PLEKHA5: variants seen among roughly 807,000 people sequenced by gnomAD.
The protein encoded by PLEKHA5 is pleckstrin homology domain containing A5.
PLEKHA5 carries 55 observed loss-of-function variants against 181.9 expected under a neutral mutation model. That is an observed-to-expected ratio of 0.30 (90% CI 0.24 to 0.38). The LOEUF (loss-of-function observed/expected upper bound fraction) is 0.38. Among genes scored for constraint, PLEKHA5 ranks in the 10% least tolerant of loss-of-function variants. PLEKHA5 has a pLI of 1.00. For missense variants in PLEKHA5, 1,432 were observed against 1,549.5 expected (o/e 0.92, Z 1.27); for synonymous variants, 535 against 529.4 (o/e 1.01, Z -0.15).
chr12:19,270,910 G>A (rs572942516), intron 10 of PLEKHA5, among the ~76,000 whole-genome samples: 1 of 151,446 alleles, frequency 6.6e-6, no homozygotes, highest in Non-Finnish European at 1.5e-5. Flanking sequence ...TTGGCTTTTT[G>A]GCTAAAAGAC....
intron 5 of PLEKHA5, among the ~76,000 whole-genome samples, chr12:19,255,918 A>C (rs2066764314): frequency 6.6e-6 from 1 of 151,432 alleles, no homozygotes; most frequent in African/African-American, 2.4e-5. Context: ...CAGAATGCAG[A>C]TGGGCTTTCT....
chr12:19,361,996 C>A (rs1263738776), intron 29 of PLEKHA5, among the ~76,000 whole-genome samples: 1 of 151,542 alleles, frequency 6.6e-6, no homozygotes. Flanking sequence ...CATAATGAGA[C>A]CTCATCTCTG....
intron 3 of PLEKHA5, among the ~76,000 whole-genome samples, chr12:19,158,340 G>A (rs2042242754): frequency 6.6e-6 from 1 of 151,808 alleles, no homozygotes; most frequent in Non-Finnish European, 1.5e-5. Flanking sequence ...GCGACAGAGT[G>A]AGACTCCGAC....
At chr12:19,315,737 T>G (rs1322854812) in intron 16 of PLEKHA5, among the ~76,000 whole-genome samples, 1 of 152,130 alleles carries the variant, frequency 6.6e-6, no homozygotes, top group East Asian at 1.9e-4. Context: ...ATATATATTT[T>G]GATTTAAATA....
intron 22 of PLEKHA5, among the ~76,000 whole-genome samples, chr12:19,344,947 G>GA (rs769810813): frequency 1.4e-3 from 161 of 118,168 alleles, no homozygotes; most frequent in Middle Eastern, 4.3e-3. Context: ...CGGCTCTACT[G>GA]AAAAAAAAAA....
intron 3 of PLEKHA5, among the ~76,000 whole-genome samples, chr12:19,239,879 G>C (rs1411378900): frequency 2.6e-5 from 4 of 152,038 alleles, no homozygotes; most frequent in Admixed American, 6.5e-5. Flanking sequence ...TTTGTATTTT[G>C]TTTATGGTTA....
At chr12:19,347,882 CTTTTT>C (rs527719770) in intron 24 of PLEKHA5, among the ~76,000 whole-genome samples, 4 of 119,802 alleles carry the variant, frequency 3.3e-5, no homozygotes, top group African/African-American at 6.3e-5. Context: ...CAGAAATATT[CTTTTT>C]TTTTTTTTTT....
At chr12:19,290,557 C>T in intron 13 of PLEKHA5, 120 bp from the exon 14 acceptor site, 4 of 757,842 alleles carry the variant, frequency 5.3e-6, no homozygotes, top group Non-Finnish European at 6.2e-6. Context: ...TGCCTAGGCA[C>T]TATGTTTGAT....
chr12:19,306,820 A>T lies in PLEKHA5; in HGVS notation c.2038-7994A>T, dbSNP rs968798099. The T allele has an allele frequency of 3.2e-5, 26 of 815,074 alleles. No individual in the cohort carries two copies. In the Middle Eastern group the frequency reaches 6.7e-4, roughly 21 times the overall value. 50.5% of individuals were successfully genotyped at this position (815,074 alleles called of 1,614,324 possible). On this transcript the variant is annotated intron_variant, in intron 15 of 31. Transcript: ENST00000429027. ...GCAGTTGTCGCACCATGTCTGACAA[A>T]CACTGTATTCCTTGACAGAGCTTTG...
At chr12:19,336,278 CTTTA>C (rs1592538049) in intron 20 of PLEKHA5, among the ~76,000 whole-genome samples, 1 of 152,132 alleles carries the variant, frequency 6.6e-6, no homozygotes, top group African/African-American at 2.4e-5. Flanking sequence ...TAAGAAAATG[CTTTA>C]TTTATGCCTC....
chr12:19,244,338 A>G (rs1210446234), intron 3 of PLEKHA5, among the ~76,000 whole-genome samples: 1 of 152,250 alleles, frequency 6.6e-6, no homozygotes, highest in African/African-American at 2.4e-5. Context: ...TGGTTTCACT[A>G]GAAGGATACT....
intron 7 of PLEKHA5, among the ~76,000 whole-genome samples, chr12:19,262,765 A>G (rs2068891165): frequency 6.6e-6 from 1 of 152,194 alleles, no homozygotes; most frequent in Admixed American, 6.5e-5. Context: ...CATAGTACCA[A>G]CTGGGTACTG....
At chr12:19,304,424 A>G (rs1160288026) in intron 15 of PLEKHA5, among the ~76,000 whole-genome samples, 1 of 152,196 alleles carries the variant, frequency 6.6e-6, no homozygotes, top group Non-Finnish European at 1.5e-5. Flanking sequence ...TTAGACAACA[A>G]GAAAATATTT....
rs1297985003 is a variant in PLEKHA5, at chr12:19,274,792, A to G, written c.1122A>G (p.Pro374=). The G allele has an allele frequency of 6.2e-7, 1 of 1,614,220 alleles. No individual in the cohort carries two copies. The highest frequency in any genetic ancestry group is 8.5e-7 in the Non-Finnish European group (1 of 1,180,038). Residue 374 remains proline, a synonymous_variant, in exon 11 of 32, where the codon CCA becomes CCG. Coordinates refer to ENST00000429027, the MANE Select transcript of PLEKHA5 (RefSeq NM_001256470.2). ...ACPAQTVHYR[P]INLSSSENKI... ...CTGCTCAGACTGTGCACTACAGACC[A>G]ATCAACTTGAGCAGTTCAGAGAACA...
intron 5 of PLEKHA5, 77 bp from the exon 6 acceptor site, chr12:19,257,356 T>G: frequency 5.9e-6 from 4 of 681,664 alleles, no homozygotes; most frequent in Non-Finnish European, 1.0e-5. Context: ...GAAAAGAGAT[T>G]AAATTTTAAG....
chr12:19,177,062 T>G (rs2047469620), intron 3 of PLEKHA5, among the ~76,000 whole-genome samples: 1 of 152,002 alleles, frequency 6.6e-6, no homozygotes, highest in South Asian at 2.1e-4. Flanking sequence ...GAGACAGGGT[T>G]TCACCATGTT....
chr12:19,240,467 G>A (rs1485927679), intron 3 of PLEKHA5, among the ~76,000 whole-genome samples: 1 of 144,908 alleles, frequency 6.9e-6, no homozygotes, highest in Non-Finnish European at 1.5e-5. Flanking sequence ...TTTAAAGACA[G>A]GGTCTTGCTG....
chr12:19,353,826 A>T, intron 25 of PLEKHA5, 58 bp from the exon 26 acceptor site: 1 of 794,480 alleles, frequency 1.3e-6, no homozygotes, highest in Non-Finnish European at 2.2e-6. Flanking sequence ...GTAAGCTAAA[A>T]GAAAGCAATG....
At chr12:19,313,014 G>A (rs868004072) in intron 15 of PLEKHA5, among the ~76,000 whole-genome samples, 1 of 152,072 alleles carries the variant, frequency 6.6e-6, no homozygotes. Context: ...CGAGGAATAG[G>A]CAGGCCCAAG....
Sources: allele counts gnomAD v4.1 joint callset (sites outside exome capture counted in the v4.1 genomes callset), GRCh38; gene constraint gnomAD v4.1.1; transcripts MANE v1.5; gene names NCBI Gene and HGNC (gene_info 2026-07-23, HGNC 2026-07-21).